DOCK9: variants seen among roughly 807,000 people sequenced by gnomAD.
DOCK9 encodes dedicator of cytokinesis protein 9.
In DOCK9, 89 loss-of-function variants were observed where a neutral mutation model predicts 263.3. The observed-to-expected ratio is 0.34, with a 90% confidence interval of 0.28 to 0.40. The LOEUF is 0.40. Ranked by LOEUF, DOCK9 falls within the 10% of genes least tolerant of loss-of-function variation. The probability of loss-of-function intolerance (pLI) is 1.00; values close to 1 mark genes in which losing one functional copy is unlikely to be tolerated. For synonymous variants in DOCK9, 976 were observed against 973.1 expected (o/e 1.00, Z -0.06); for missense variants, 2,140 against 2,603.4 (o/e 0.82, Z 3.87).
At chr13:98,945,390 C>T (rs917119474) in intron 2 of DOCK9, among the ~76,000 whole-genome samples, 2 of 152,196 alleles carry the variant, frequency 1.3e-5, no homozygotes, top group East Asian at 1.9e-4. Flanking sequence ...ACCTTCCTCC[C>T]GTGAGCTCTC....
At chr13:98,908,386 C>T (rs2049447571) in intron 9 of DOCK9, among the ~76,000 whole-genome samples, 1 of 151,948 alleles carries the variant, frequency 6.6e-6, no homozygotes, top group South Asian at 2.1e-4. Context: ...ATTTCTCCTA[C>T]TGAAATAAGA....
chr13:98,821,289 C>T (rs2092259030), intron 45 of DOCK9, among the ~76,000 whole-genome samples: 1 of 152,100 alleles, frequency 6.6e-6, no homozygotes, highest in African/African-American at 2.4e-5. Context: ...TGGGCAGTTA[C>T]TCCTTTCCTC....
intron 1 of DOCK9, among the ~76,000 whole-genome samples, chr13:99,045,835 G>C (rs1888936707): frequency 6.6e-6 from 1 of 151,936 alleles, no homozygotes; most frequent in African/African-American, 2.4e-5. Context: ...GCTCACACCT[G>C]TAATCCCAGC....
Position 98,898,880 on chromosome 13 carries a change from A to C in DOCK9, c.1504-619T>G, listed in dbSNP as rs933921598. On this transcript the variant is annotated intron_variant, in intron 13 of 52. Coordinates refer to ENST00000682017, the MANE Select transcript of DOCK9 (RefSeq NM_001366683.2). ...TTGATTAATTCACAGTGTACAATGA[A>C]GCTTATTTGCTTTTAGCCTAAGGCA... Among the ~76,000 whole-genome samples the C allele has an allele frequency of 3.3e-5, 5 of 152,176 alleles. 1 individual carries two copies. The highest frequency in any genetic ancestry group is 3.3e-4 in the Admixed American group (5 of 15,282).
At chr13:98,810,597 AT>A (rs1412568791) in intron 45 of DOCK9, among the ~76,000 whole-genome samples, 1 of 152,204 alleles carries the variant, frequency 6.6e-6, no homozygotes, top group African/African-American at 2.4e-5. Context: ...GGGGCTCTCA[AT>A]TTTTGTTCCT....
intron 1 of DOCK9, among the ~76,000 whole-genome samples, chr13:99,059,191 G>A (rs2041069803): frequency 1.3e-5 from 2 of 152,192 alleles, no homozygotes; most frequent in Non-Finnish European, 2.9e-5. Flanking sequence ...AATGTCTGCA[G>A]TCGAGTCCAA....
At chr13:98,807,906 G>C in intron 47 of DOCK9, 99 bp from the exon 48 acceptor site, 1 of 1,038,764 alleles carries the variant, frequency 9.6e-7, no homozygotes, top group Non-Finnish European at 1.3e-6. Context: ...AAAAGGAATG[G>C]GTCTAAAAAT....
chr13:98,847,493 G>A (rs554193855), intron 37 of DOCK9: 2 of 152,244 alleles, frequency 1.3e-5, no homozygotes, highest in Non-Finnish European at 2.9e-5. Flanking sequence ...ATATTAATAG[G>A]AGGAAAATGC....
intron 4 of DOCK9, 36 bp from the exon 5 acceptor site, chr13:98,923,407 G>T (rs544568867): frequency 1.9e-6 from 3 of 1,559,276 alleles, no homozygotes; most frequent in African/African-American, 1.4e-5. Flanking sequence ...TTTTAGAAAT[G>T]CCTAGTCAAG....
At position 98,829,869 on chromosome 13, in the gene DOCK9, G is replaced by A; in HGVS notation, c.4636-113C>T. On this transcript the variant is annotated intron_variant, in intron 41 of 52. Coordinates refer to ENST00000682017, the MANE Select transcript of DOCK9 (RefSeq NM_001366683.2). The surrounding 1 kb of genome is among the most constrained non-coding windows in gnomAD (Gnocchi z 4.1). ...GGACCCAGCAAAGTGGGGGTTGGGG[G>A]GTGCTTTGAGCAGGGGTCGCTCCGT... 1 of 842,964 alleles carries A rather than the reference G, an allele frequency of 1.2e-6. No homozygotes were observed. The highest frequency in any genetic ancestry group is 1.5e-5 in the South Asian group (1 of 66,114). The allele number at this position is 842,964 out of a possible 1,614,324, so 52.2% of individuals were successfully genotyped here.
chr13:99,055,528 G>C (rs933634061), intron 1 of DOCK9, among the ~76,000 whole-genome samples: 2 of 152,162 alleles, frequency 1.3e-5, no homozygotes, highest in East Asian at 3.9e-4. Context: ...GAAATTAGAA[G>C]AGAGGAGCAG....
intron 1 of DOCK9, among the ~76,000 whole-genome samples, chr13:98,996,100 A>G (rs1412200219): frequency 1.3e-5 from 2 of 152,226 alleles, no homozygotes; most frequent in Non-Finnish European, 2.9e-5. Context: ...AGCAGATGGC[A>G]TATGGACATA....
intron 2 of DOCK9, among the ~76,000 whole-genome samples, chr13:98,938,365 T>A (rs1178247030): frequency 2.0e-5 from 3 of 152,230 alleles, no homozygotes; most frequent in Non-Finnish European, 4.4e-5. Flanking sequence ...ACTTTCCACA[T>A]CCACAGAACA....
At chr13:98,924,665 C>T (rs1339362692) in intron 4 of DOCK9, among the ~76,000 whole-genome samples, 3 of 152,166 alleles carry the variant, frequency 2.0e-5, no homozygotes, top group African/African-American at 4.8e-5. Context: ...GATGGGATTA[C>T]TTGTTGCTGA....
chr13:99,085,995 G>A (rs1254230970), intron 1 of DOCK9, among the ~76,000 whole-genome samples: 2 of 152,162 alleles, frequency 1.3e-5, no homozygotes, highest in African/African-American at 2.4e-5. Flanking sequence ...ACAGCGATGG[G>A]GACAGGATCT....
intron 9 of DOCK9, among the ~76,000 whole-genome samples, chr13:98,913,860 G>A (rs563516640): frequency 6.6e-6 from 1 of 152,262 alleles, no homozygotes; most frequent in South Asian, 2.1e-4. Flanking sequence ...CACAGGAATA[G>A]CTTATTTTTT....
rs151293635 is a variant in DOCK9, at chr13:98,808,071, T to C, written c.5368-264A>G. Among the ~76,000 whole-genome samples, 224 of 152,312 alleles carry C rather than the reference T, an allele frequency of 1.5e-3. 3 individuals are homozygous for C. Among genetic ancestry groups the C allele is most frequent in the African/African-American group, 5.3e-3 (219 of 41,566 alleles). On this transcript the variant is annotated intron_variant, in intron 47 of 52. Coordinates refer to ENST00000682017, the MANE Select transcript of DOCK9 (RefSeq NM_001366683.2). Reference sequence around the variant, plus strand: ...AAAGATTTTGGATACAAGACTAAGCTGTCCCAGGGAAGTCTAATGGGAGTC... The same window carrying C: ...AAAGATTTTGGATACAAGACTAAGCCGTCCCAGGGAAGTCTAATGGGAGTC...
At chr13:98,886,769 C>T (rs1249085507) in intron 18 of DOCK9, 145 bp from the exon 19 acceptor site, 1 of 697,584 alleles carries the variant, frequency 1.4e-6, no homozygotes, top group Non-Finnish European at 2.4e-6. Context: ...GAGCCCCGGA[C>T]TGCTGGGTCC....
chr13:98,813,922 T>C (rs1203457842), intron 45 of DOCK9, among the ~76,000 whole-genome samples: 2 of 152,232 alleles, frequency 1.3e-5, no homozygotes, highest in Non-Finnish European at 2.9e-5. Context: ...ATTACAGGCA[T>C]GAGCCACTGC....
Sources: gnomAD v4.1 joint callset for allele counts (sites outside exome capture counted in the v4.1 genomes callset) on GRCh38, gnomAD v4.1.1 for gene constraint, Gnocchi (gnomAD v3.1) non-coding constraint, MANE v1.5 for transcripts, NCBI Gene and HGNC (gene_info 2026-07-23, HGNC 2026-07-21) for gene names.